The following SAMM50 variants were observed in gnomAD, a reference collection of about 807,000 sequenced individuals.
SAMM50 encodes the protein sorting and assembly machinery component 50 homolog.
A neutral mutation model predicts 66.9 loss-of-function variants in SAMM50; 47 were observed. The ratio of observed to expected loss-of-function variants is 0.70; its 90% CI spans 0.56 to 0.90. SAMM50 has a LOEUF of 0.90. SAMM50 is among the 40% of genes least tolerant of loss of function. The pLI, the probability that SAMM50 is intolerant of heterozygous loss-of-function variation, is 0.00. For missense variants in SAMM50, 535 were observed against 595.3 expected, an observed-to-expected ratio of 0.90 and a Z score of 1.05; for synonymous variants, 191 against 214.1, an observed-to-expected ratio of 0.89 and a Z score of 0.94.
At chr22:43,992,893 A>G (rs189886582) in intron 14 of SAMM50, among the ~76,000 whole-genome samples, 33 of 152,332 alleles carry the variant, frequency 2.2e-4, no homozygotes, top group Admixed American at 8.5e-4. Context: ...CAAGCCATAG[A>G]TGGGATGATG....
In SAMM50 at chr22:43,981,414, C is replaced by CGGAAT; in HGVS notation, c.962_966dup (p.Leu323GlufsTer42). The CGGAAT allele has an allele frequency of 6.2e-7, 1 of 1,613,570 alleles. No individual in the cohort carries two copies. The highest frequency in any genetic ancestry group is 1.1e-5 in the South Asian group (1 of 91,078). Reference sequence around the variant, plus strand: ...AGGTTTTTTCAGCGTCTTTCTGGGGCGGAATGTTGGTACCCATTGGTGATA... The same window carrying CGGAAT: ...AGGTTTTTTCAGCGTCTTTCTGGGGCGGAATGGAATGTTGGTACCCATTGGTGATA... On this transcript the variant is annotated frameshift_variant, in exon 11 of 15. Coordinates refer to ENST00000350028, the MANE Select transcript of SAMM50 (RefSeq NM_015380.5). LOFTEE classifies it high-confidence loss of function.
At chr22:43,968,072 A>G (rs2050182554) in intron 3 of SAMM50, among the ~76,000 whole-genome samples, 1 of 151,766 alleles carries the variant, frequency 6.6e-6, no homozygotes, top group Non-Finnish European at 1.5e-5. Context: ...ACATACAAAA[A>G]AAAAATTCGC....
chr22:43,967,936 G>C (rs1001137454), intron 3 of SAMM50, among the ~76,000 whole-genome samples: 1 of 152,160 alleles, frequency 6.6e-6, no homozygotes, highest in African/African-American at 2.4e-5. Flanking sequence ...GAGATGGTTA[G>C]AAAGGCCGGG....
intron 1 of SAMM50, among the ~76,000 whole-genome samples, chr22:43,959,197 T>A (rs2050135845): frequency 6.6e-6 from 1 of 151,964 alleles, no homozygotes; most frequent in African/African-American, 2.4e-5. Flanking sequence ...TTTTGTATTT[T>A]TACCTGAGAT....
rs750708573 is a variant in SAMM50 at position 43,989,210 on chromosome 22, G to A, written c.1175G>A (p.Arg392Gln). 15 of 1,613,980 alleles carry A rather than the reference G, an allele frequency of 9.3e-6. No homozygotes were observed. The highest frequency in any genetic ancestry group is 2.7e-5 in the African/African-American group (2 of 74,892). ...CAGGGTGGCTTTGGAGAACTTTTCC[G>A]AACACACTTCTTTCTCAACGCAGGA... is the stretch of plus-strand genomic sequence containing the variant. ...PGQGGFGELF[R>Q]THFFLNAGNL... The change falls in exon 13 of 15, where the codon CGA (arginine) becomes CAA (glutamine). Residue 392 changes from arginine to glutamine, a missense_variant. Coordinates refer to ENST00000350028, the MANE Select transcript of SAMM50 (RefSeq NM_015380.5).
intron 8 of SAMM50, among the ~76,000 whole-genome samples, chr22:43,976,515 C>G (rs1430254280): frequency 6.6e-6 from 1 of 152,156 alleles, no homozygotes; most frequent in Non-Finnish European, 1.5e-5. Flanking sequence ...TCAACTCCCA[C>G]GTAGTGAGCA....
intron 11 of SAMM50, among the ~76,000 whole-genome samples, chr22:43,982,636 T>C (rs1331089618): frequency 6.6e-6 from 1 of 152,190 alleles, no homozygotes; most frequent in African/African-American, 2.4e-5. Context: ...TTTTTTATTT[T>C]ATTTATGTAT....
At chr22:43,976,413 A>C (rs956120444) in intron 8 of SAMM50, among the ~76,000 whole-genome samples, 4 of 152,168 alleles carry the variant, frequency 2.6e-5, no homozygotes, top group Admixed American at 6.5e-5. Flanking sequence ...TGACTGTGGA[A>C]TTTCAGCTTT....
Position 43,996,383 on chromosome 22 carries a change from G to A in SAMM50, c.1410G>A (p.Ter470=). Reference sequence around the variant, plus strand: ...TTGGAGCTGGGATAAGGTTCCTGTAGCCGACACCCCTACAGGAGAAGCTCT... The same window carrying A: ...TTGGAGCTGGGATAAGGTTCCTGTAACCGACACCCCTACAGGAGAAGCTCT... ...VQFGAGIRFL[*] Residue 470 remains the stop codon, a stop_retained_variant, in exon 15 of 15, where the codon TAG becomes TAA. Transcript: ENST00000350028. 6.2e-7 allele frequency: 1 copy of A among 1,614,088 alleles called. No individual in the cohort carries two copies. The highest frequency in any genetic ancestry group is 2.2e-5 in the East Asian group (1 of 44,872).
In SAMM50 at chr22:43,989,143, G is replaced by A. The variant is rs770172829; in HGVS notation, c.1108G>A (p.Gly370Ser). 16 of 1,613,978 alleles carry A rather than the reference G, an allele frequency of 9.9e-6. No individual in the cohort carries two copies. Among genetic ancestry groups the A allele is most frequent in the Admixed American group, 5.0e-5 (3 of 59,984 alleles). Residue 370 changes from glycine to serine, a missense_variant, in exon 13 of 15, where the codon GGC becomes AGC. Physicochemically the swap from Gly to Ser is moderately conservative, Grantham distance 56. Coordinates refer to ENST00000350028, the MANE Select transcript of SAMM50 (RefSeq NM_015380.5). ...CCTAGGTGGAGAAGCGTACTGGGCCGGCGGCCTGCACCTCTACACCCCATT... is the reference window on the plus strand; with the variant it reads ...CCTAGGTGGAGAAGCGTACTGGGCCAGCGGCCTGCACCTCTACACCCCATT... ...DYLGGEAYWA[G>S]GLHLYTPLPF...
chr22:43,990,141 T>G, intron 13 of SAMM50, 124 bp from the exon 14 acceptor site: 1 of 1,108,272 alleles, frequency 9.0e-7, no homozygotes, highest in Non-Finnish European at 1.3e-6. Context: ...CTCCCTAATC[T>G]CTAGGCCTGG....
intron 1 of SAMM50, among the ~76,000 whole-genome samples, chr22:43,961,381 A>G (rs750355590): frequency 6.6e-6 from 1 of 152,232 alleles, no homozygotes; most frequent in Non-Finnish European, 1.5e-5. Flanking sequence ...AAACATAGGA[A>G]CAAATAAGAA....
chr22:43,982,127 A>G (rs577516170), intron 11 of SAMM50, among the ~76,000 whole-genome samples: 2 of 152,306 alleles, frequency 1.3e-5, no homozygotes, highest in African/African-American at 4.8e-5. Flanking sequence ...ACCCTGCATT[A>G]GTTAAAATAT....
chr22:43,987,043 T>C (rs758621680), intron 12 of SAMM50: 1 of 152,226 alleles, frequency 6.6e-6, no homozygotes, highest in South Asian at 2.1e-4. Flanking sequence ...CTGTTTATTA[T>C]AAGCAAGTGT....
intron 12 of SAMM50, among the ~76,000 whole-genome samples, chr22:43,985,668 G>A (rs1295896204): frequency 3.9e-5 from 6 of 151,960 alleles, no homozygotes; most frequent in African/African-American, 7.3e-5. Flanking sequence ...ACATTCACGC[G>A]CAGGTTGTTG....
chr22:43,992,202 C>T (rs2050328456), intron 14 of SAMM50, among the ~76,000 whole-genome samples: 1 of 152,196 alleles, frequency 6.6e-6, no homozygotes, highest in Non-Finnish European at 1.5e-5. Flanking sequence ...TCCGCATCAG[C>T]ATGTAGGGGA....
At chr22:43,972,832 A>G (rs1159410612) in intron 5 of SAMM50, 39 bp from the exon 6 acceptor site, 12 of 1,564,084 alleles carry the variant, frequency 7.7e-6, no homozygotes, top group Non-Finnish European at 1.0e-5. Flanking sequence ...TCATTCCTTC[A>G]ATGTAGACCA....
In SAMM50 at chr22:43,973,257, A is replaced by T. The variant is rs374982740; in HGVS notation, c.582A>T (p.Lys194Asn). The change falls in exon 7 of 15, where the codon AAA becomes AAT. Residue 194 changes from lysine to asparagine, a missense_variant. Physicochemically the swap from Lys to Asn is moderately conservative, Grantham distance 94. Transcript: ENST00000350028. Reference protein sequence around the residue: ...FERNFSVNLYKVTGQFPWSSL... With the variant: ...FERNFSVNLYNVTGQFPWSSL... Reference sequence around the variant, plus strand: ...CTAGTTTCTCTGTAAACTTATATAAAGTTACTGGACAGTTCCCTTGGAGCT... The same window carrying T: ...CTAGTTTCTCTGTAAACTTATATAATGTTACTGGACAGTTCCCTTGGAGCT... 3.9e-5 allele frequency: 62 copies of T among 1,604,564 alleles called. No individual in the cohort carries two copies. Among genetic ancestry groups the T allele is most frequent in the Non-Finnish European group, 5.3e-5 (62 of 1,171,462 alleles).
Position 43,996,520 on chromosome 22 carries a change from A to G in SAMM50, c.*137A>G. ...GGGAAACCCCGTCAATAAATGTTAA[A>G]GACACACTCCGAGGCAGCGTGGATG... On this transcript the variant is annotated 3_prime_UTR_variant, in exon 15 of 15. Coordinates refer to ENST00000350028, the MANE Select transcript of SAMM50 (RefSeq NM_015380.5). 1 of 871,098 alleles carries G rather than the reference A, an allele frequency of 1.1e-6. No homozygotes were observed. The highest frequency in any genetic ancestry group is 1.9e-6 in the Non-Finnish European group (1 of 516,230). The allele number at this position is 871,098 out of a possible 1,614,324, so 54.0% of individuals were successfully genotyped here.
Sources: gnomAD v4.1 joint callset for allele counts (sites outside exome capture counted in the v4.1 genomes callset) on GRCh38, gnomAD v4.1.1 for gene constraint, MANE v1.5 for transcripts, NCBI Gene and HGNC (gene_info 2026-07-23, HGNC 2026-07-21) for gene names.